Variants in TTLL9 observed in about 807,000 individuals in gnomAD.
The protein encoded by TTLL9 is probable tubulin polyglutamylase TTLL9.
TTLL9 carries 47 observed loss-of-function variants against 65.6 expected under a neutral mutation model. The observed-to-expected ratio is 0.72, with a 90% confidence interval of 0.57 to 0.91. TTLL9 has a LOEUF of 0.91. Ranked by LOEUF, TTLL9 falls within the 40% of genes least tolerant of loss-of-function variation. The probability of loss-of-function intolerance (pLI) is 0.00; values close to 1 mark genes in which losing one functional copy is unlikely to be tolerated. For synonymous variants in TTLL9, 179 were observed against 204.8 expected, an observed-to-expected ratio of 0.87 and a Z score of 1.07; for missense variants, 537 against 568.8, an observed-to-expected ratio of 0.94 and a Z score of 0.57.
chr20:31,938,672 G>A (rs538594390), intron 13 of TTLL9, among the ~76,000 whole-genome samples: 10 of 152,278 alleles, frequency 6.6e-5, no homozygotes, highest in Middle Eastern at 3.4e-3. Context: ...GAGGTCAGGC[G>A]TTTGAGACCA....
At chr20:31,912,072 C>T (rs190528048) in intron 6 of TTLL9, among the ~76,000 whole-genome samples, 95 of 152,210 alleles carry the variant, frequency 6.2e-4, no homozygotes, top group Admixed American at 1.2e-3. Flanking sequence ...AGTGTGTCTA[C>T]CTTACAGGGT....
At chr20:31,907,038 T>C (rs953459410) in intron 4 of TTLL9, among the ~76,000 whole-genome samples, 1 of 152,150 alleles carries the variant, frequency 6.6e-6, no homozygotes, top group Non-Finnish European at 1.5e-5. Context: ...TCGACCCCTA[T>C]GTATCAAAAG....
chr20:31,880,496 CTTTT>C (rs781656694), intron 2 of TTLL9, among the ~76,000 whole-genome samples: 1 of 142,982 alleles, frequency 7.0e-6, no homozygotes, highest in Non-Finnish European at 1.5e-5. Flanking sequence ...CCCCAACCGA[CTTTT>C]TTTTTTTTTT....
At chr20:31,916,832 A>G (rs984561337) in intron 6 of TTLL9, among the ~76,000 whole-genome samples, 1 of 152,196 alleles carries the variant, frequency 6.6e-6, no homozygotes, top group African/African-American at 2.4e-5. Flanking sequence ...TTTAACAAGG[A>G]GAAACATCTT....
intron 4 of TTLL9, among the ~76,000 whole-genome samples, chr20:31,906,626 G>C (rs150244812): frequency 6.6e-6 from 1 of 152,092 alleles, no homozygotes; most frequent in Admixed American, 6.6e-5. Context: ...AAGGGGTGGG[G>C]AGAAAGGGAG....
At chr20:31,933,319 G>A (rs902373400) in intron 10 of TTLL9, among the ~76,000 whole-genome samples, 3 of 151,892 alleles carry the variant, frequency 2.0e-5, no homozygotes, top group Non-Finnish European at 2.9e-5. Context: ...CAAAGTGGCC[G>A]CCCAGCCTGG....
At position 31,919,918 on chromosome 20, in the gene TTLL9, G is replaced by A. The variant is rs531929858; in HGVS notation, c.559G>A (p.Val187Met). ...CCTCTTCCGTAGGCTGAAGGACATCGTGGACTGGAGGAAGGTGAGCCTGCC... is the reference window on the plus strand; with the variant it reads ...CCTCTTCCGTAGGCTGAAGGACATCATGGACTGGAGGAAGGTGAGCCTGCC... ...IFLFRRLKDI[V>M]DWRKDTRSSD... Residue 187 changes from valine (V) to methionine (M), a missense_variant, in exon 7 of 15, where the codon GTG becomes ATG. Coordinates refer to ENST00000535842, the MANE Select transcript of TTLL9 (RefSeq NM_001008409.5). The A allele has an allele frequency of 2.4e-5, 38 of 1,591,136 alleles. No individual in the cohort carries two copies. Among genetic ancestry groups the A allele is most frequent in the Middle Eastern group, 3.3e-4 (2 of 6,002 alleles).
chr20:31,870,943 G>A lies in TTLL9; in HGVS notation c.-12G>A, dbSNP rs2062916684. On this transcript the variant is annotated 5_prime_UTR_variant, in exon 1 of 15. Transcript: ENST00000535842. This position sits in a 1 kb window ranked among gnomAD's most constrained non-coding sequence, Gnocchi z 6.6. ...CTGCTCTTCAGAGTCTGCTTGGAAC[G>A]GGATAAGTGGGTAATTCCTTCCGAT... 1 of 651,048 alleles carries A rather than the reference G, an allele frequency of 1.5e-6. No homozygotes were observed. The highest frequency in any genetic ancestry group is 2.8e-6 in the Non-Finnish European group (1 of 359,792). 40.3% of individuals were successfully genotyped at this position (651,048 alleles called of 1,614,324 possible).
chr20:31,897,756 G>A (rs1298086307), intron 3 of TTLL9, among the ~76,000 whole-genome samples: 1 of 152,030 alleles, frequency 6.6e-6, no homozygotes, highest in Non-Finnish European at 1.5e-5. Context: ...GGGAAGTCTG[G>A]ACTCCCTACT....
intron 2 of TTLL9, among the ~76,000 whole-genome samples, chr20:31,873,626 G>C (rs927350051): frequency 6.7e-6 from 1 of 148,226 alleles, no homozygotes; most frequent in African/African-American, 2.5e-5. Flanking sequence ...CTTCAGCTTG[G>C]ATGACAGAGT....
At position 31,908,612 on chromosome 20, in the gene TTLL9, CT is replaced by C. The variant is rs767246476; in HGVS notation, c.229del (p.Trp77GlyfsTer31). ...CCAGCGAAGGGGAGTGGGATTTCTA[CT>C]GGTGTGACGTCAGCTGGCTCCGGGA... ...VKDEGEWDFY[W>X]CDVSWLRENF... On this transcript the variant is annotated frameshift_variant, in exon 5 of 15. Transcript: ENST00000535842. LOFTEE classifies it high-confidence loss of function. 7 of 1,612,100 alleles carry C rather than the reference CT, an allele frequency of 4.3e-6. No individual in the cohort carries two copies. The South Asian group carries it at 6.6e-5, about 15-fold the overall frequency.
rs1448421283 is a variant in TTLL9, at chr20:31,890,087, G to C, written c.113+2848G>C. 9.0e-3 allele frequency among the ~76,000 whole-genome samples: 644 copies of C among 71,330 alleles called. 28 individuals are homozygous for C. Among genetic ancestry groups the C allele is most frequent in the African/African-American group, 0.034 (577 of 16,744 alleles). 46.8% of individuals were successfully genotyped at this position (71,330 alleles called of 152,430 possible). ...TTCTTTCTTGCTTTCTTGCTTTCTT[G>C]CTTTCTTTCCCTCCCTTCCTTCCTT... On this transcript the variant is annotated intron_variant, in intron 3 of 14. Coordinates refer to ENST00000535842, the MANE Select transcript of TTLL9 (RefSeq NM_001008409.5).
chr20:31,933,749 A>G (rs1018679321), intron 10 of TTLL9, 51 bp from the exon 11 acceptor site: 1 of 1,578,480 alleles, frequency 6.3e-7, no homozygotes, highest in Non-Finnish European at 8.7e-7. Flanking sequence ...TTCGTGGGGC[A>G]GAGCTCACCC....
chr20:31,934,750 A>G lies in TTLL9; in HGVS notation c.866A>G (p.Glu289Gly), dbSNP rs767801097. The change falls in exon 12 of 15, where the codon GAG becomes GGG. Residue 289 changes from glutamate (E) to glycine (G), a missense_variant. Glu to Gly is a moderately conservative substitution (Grantham distance 98, BLOSUM62 -2). Transcript: ENST00000535842. The stretch of plus-strand genomic sequence containing the variant: ...TACCTGGCGTCCAAACACGGGCCCG[A>G]GGCAGTGGAGACACTCTTCAGGGAC... ...RQYLASKHGPEAVETLFRDID... is the reference protein window; with the variant it reads ...RQYLASKHGPGAVETLFRDID... 5 of 1,612,886 alleles carry G rather than the reference A, an allele frequency of 3.1e-6. No individual in the cohort carries two copies. Among genetic ancestry groups the G allele is most frequent in the Non-Finnish European group, 4.2e-6 (5 of 1,179,980 alleles).
chr20:31,907,381 A>G (rs2063572384), intron 4 of TTLL9, among the ~76,000 whole-genome samples: 2 of 152,244 alleles, frequency 1.3e-5, no homozygotes, highest in African/African-American at 2.4e-5. Context: ...AAACAACGCC[A>G]TGTGCCATGA....
chr20:31,877,832 A>G (rs1388599561), intron 2 of TTLL9, among the ~76,000 whole-genome samples: 2 of 152,218 alleles, frequency 1.3e-5, no homozygotes, highest in African/African-American at 4.8e-5. Flanking sequence ...AGATTTCTCA[A>G]AAATCCTGAT....
rs762426335 is a variant in TTLL9 at position 31,925,003 on chromosome 20, T to C, written c.665-6T>C. ...TGCACAAATTAATTTTTTCCTTGCC[T>C]GACAGGCCGCAAGTTTGACCTGCGT... On this transcript the variant is annotated splice_polypyrimidine_tract_variant and splice_region_variant and intron_variant, in intron 8 of 14. Transcript: ENST00000535842. 9.9e-6 allele frequency: 16 copies of C among 1,614,150 alleles called. No homozygotes were observed. The highest frequency in any genetic ancestry group is 1.3e-5 in the Non-Finnish European group (15 of 1,180,002).
chr20:31,911,357 G>GGGAGGGAGCAGGAGGGT (rs2063642905), intron 6 of TTLL9, among the ~76,000 whole-genome samples: 1 of 152,198 alleles, frequency 6.6e-6, no homozygotes, highest in South Asian at 2.1e-4. Context: ...TTCCAGGCCA[G>GGGAGGGAGCAGGAGGGT]GGAGGGAGCA....
intron 2 of TTLL9, among the ~76,000 whole-genome samples, chr20:31,873,516 G>A (rs1286344212): frequency 3.3e-5 from 5 of 151,732 alleles, no homozygotes; most frequent in South Asian, 2.1e-4. Context: ...AAAATTAGCC[G>A]GGTGTGGTGG....
Sources: gnomAD v4.1 joint callset for allele counts (sites outside exome capture counted in the v4.1 genomes callset) on GRCh38, gnomAD v4.1.1 for gene constraint, Gnocchi (gnomAD v3.1) non-coding constraint, MANE v1.5 for transcripts, NCBI Gene and HGNC (gene_info 2026-07-23, HGNC 2026-07-21) for gene names.